Variants in OR6N1 observed in about 807,000 individuals in gnomAD.
OR6N1 encodes the protein olfactory receptor family 6 subfamily N member 1.
For synonymous variants in OR6N1, 170 were observed against 150.7 expected (o/e 1.13, Z -0.94); for missense variants, 394 against 371.7 (o/e 1.06, Z -0.49).
chr1:158,798,936 A>C, the OR6N1 span, among the ~76,000 whole-genome samples: 2 of 152,162 alleles, frequency 1.3e-5, no homozygotes, highest in Non-Finnish European at 2.9e-5. Context: ...TCCCTGGGAG[A>C]AGAGCACAGG....
upstream of OR6N1, chr1:158,776,245 C>T (rs1390763965): frequency 6.5e-6 from 1 of 153,074 alleles, no homozygotes; most frequent in East Asian, 1.9e-4. Flanking sequence ...AGAAGTTTCT[C>T]ATGGATTTGG....
At chr1:158,827,114 A>AT in the OR6N1 span, among the ~76,000 whole-genome samples, 3 of 152,172 alleles carry the variant, frequency 2.0e-5, no homozygotes, top group African/African-American at 7.2e-5. Flanking sequence ...TTACAAGAAG[A>AT]TTTTTTGTTT....
the OR6N1 span, among the ~76,000 whole-genome samples, chr1:158,832,228 T>G: frequency 2.0e-5 from 3 of 152,100 alleles, no homozygotes; most frequent in Admixed American, 6.5e-5. Flanking sequence ...GGGATACATT[T>G]TGACTTTTTT....
the OR6N1 span, among the ~76,000 whole-genome samples, chr1:158,793,768 G>T: frequency 6.6e-6 from 1 of 152,146 alleles, no homozygotes; most frequent in Non-Finnish European, 1.5e-5. Flanking sequence ...CCAGTAGGAG[G>T]TGCCCATGGG....
chr1:158,828,758 G>A, the OR6N1 span, among the ~76,000 whole-genome samples: 3 of 152,310 alleles, frequency 2.0e-5, no homozygotes, highest in South Asian at 2.1e-4. Context: ...CCAGCCCCAC[G>A]TTTCCCTTCT....
the OR6N1 span, among the ~76,000 whole-genome samples, chr1:158,835,616 G>T: frequency 4.5e-5 from 3 of 66,790 alleles, no homozygotes; most frequent in African/African-American, 1.1e-4. Flanking sequence ...TATTTTTGGT[G>T]GGGGCGGGGG....
chr1:158,804,208 AG>A, the OR6N1 span, among the ~76,000 whole-genome samples: 1 of 152,182 alleles, frequency 6.6e-6, no homozygotes, highest in Non-Finnish European at 1.5e-5. Flanking sequence ...GCAACAAAAC[AG>A]GTCTCCTTTC....
At chr1:158,767,339 G>A (rs568530189) in intron 1 of OR6N1, among the ~76,000 whole-genome samples, 1 of 152,202 alleles carries the variant, frequency 6.6e-6, no homozygotes, top group Non-Finnish European at 1.5e-5. Flanking sequence ...AAATAAAAAA[G>A]CCAAAGAAAG....
chr1:158,821,501 C>A, the OR6N1 span, among the ~76,000 whole-genome samples: 1 of 152,156 alleles, frequency 6.6e-6, no homozygotes, highest in African/African-American at 2.4e-5. Flanking sequence ...ATGGCAACCA[C>A]TGATTTTATT....
chr1:158,794,020 T>A, the OR6N1 span, among the ~76,000 whole-genome samples: 1,899 of 152,302 alleles, frequency 0.012, 47 homozygotes, highest in African/African-American at 0.043. Flanking sequence ...TCCTTTTATC[T>A]GCAGGAATCC....
chr1:158,779,839 T>C, the OR6N1 span, among the ~76,000 whole-genome samples: 1 of 152,248 alleles, frequency 6.6e-6, no homozygotes, highest in African/African-American at 2.4e-5. Flanking sequence ...ATTCATTTTC[T>C]ATGCCCTCAT....
chr1:158,816,479 C>T, the OR6N1 span, among the ~76,000 whole-genome samples: 9 of 152,136 alleles, frequency 5.9e-5, no homozygotes, highest in African/African-American at 2.2e-4. Context: ...ATGCTTAAGT[C>T]TACGAGTTCC....
chr1:158,800,149 T>A, the OR6N1 span, among the ~76,000 whole-genome samples: 2 of 152,234 alleles, frequency 1.3e-5, no homozygotes, highest in Non-Finnish European at 2.9e-5. Flanking sequence ...TTAGACCAGA[T>A]GACTTCTTAA....
the OR6N1 span, among the ~76,000 whole-genome samples, chr1:158,785,522 C>T: frequency 6.7e-6 from 1 of 150,216 alleles, no homozygotes; most frequent in Non-Finnish European, 1.5e-5. Flanking sequence ...CCTAACAATA[C>T]TCTCATCCAA....
upstream of OR6N1, chr1:158,777,163 G>A (rs1439352997): frequency 6.2e-7 from 1 of 1,614,136 alleles, no homozygotes; most frequent in South Asian, 1.1e-5. Context: ...GATGACCTCA[G>A]AAATGGGACA....
At chr1:158,804,234 C>A in the OR6N1 span, among the ~76,000 whole-genome samples, 4 of 152,166 alleles carry the variant, frequency 2.6e-5, no homozygotes, top group Non-Finnish European at 1.5e-5. Flanking sequence ...TTAATTTGAT[C>A]ACCATCCTTT....
intron 1 of OR6N1, among the ~76,000 whole-genome samples, chr1:158,769,255 C>G (rs1045838869): frequency 5.3e-5 from 8 of 152,094 alleles, no homozygotes; most frequent in African/African-American, 1.9e-4. Context: ...CCTTGACCTC[C>G]TGGGCTCAAG....
the OR6N1 span, among the ~76,000 whole-genome samples, chr1:158,804,220 C>T: frequency 6.6e-6 from 1 of 152,114 alleles, no homozygotes. Context: ...GTCTCCTTTC[C>T]TTTTTAATTT....
chr1:158,777,082 A>G (rs1246784675), upstream of OR6N1: 1 of 1,613,882 alleles, frequency 6.2e-7, no homozygotes, highest in Non-Finnish European at 8.5e-7. Context: ...GGCCAAGCTC[A>G]GCAAAGGTGG....
Sources: gnomAD v4.1 joint callset for allele counts (sites outside exome capture counted in the v4.1 genomes callset) on GRCh38, gnomAD v4.1.1 for gene constraint, MANE v1.5 for transcripts, NCBI Gene and HGNC (gene_info 2026-07-23, HGNC 2026-07-21) for gene names.